MYO5B: variants seen among roughly 807,000 people sequenced by gnomAD.
The protein encoded by MYO5B is unconventional myosin-Vb.
In MYO5B, 143 loss-of-function variants were observed where a neutral mutation model predicts 229.3. The ratio of observed to expected loss-of-function variants is 0.62; its 90% CI spans 0.54 to 0.72. The LOEUF (loss-of-function observed/expected upper bound fraction) is 0.72. Ranked by LOEUF, MYO5B falls within the 30% of genes least tolerant of loss-of-function variation. The pLI is 0.00. For missense variants in MYO5B, 2,321 were observed against 2,331.0 expected (o/e 1.00, Z 0.09); for synonymous variants, 918 against 885.2 (o/e 1.04, Z -0.66).
chr18:50,102,328 T>C (rs573421447), intron 1 of MYO5B, among the ~76,000 whole-genome samples: 78 of 152,042 alleles, frequency 5.1e-4, no homozygotes, highest in African/African-American at 1.8e-3. Flanking sequence ...AACCTGTACG[T>C]TCTGCATACA....
At chr18:49,853,725 CAG>C in intron 30 of MYO5B, 78 bp from the exon 31 acceptor site, 1 of 1,361,622 alleles carries the variant, frequency 7.3e-7, no homozygotes, top group Non-Finnish European at 1.0e-6. Flanking sequence ...AGAAACATAA[CAG>C]GGGAGCAGCC....
chr18:49,875,663 G>T (rs1484150949), intron 26 of MYO5B, 24 bp downstream of exon 26: 2 of 1,613,854 alleles, frequency 1.2e-6, no homozygotes, highest in Non-Finnish European at 1.7e-6. Context: ...AGCACCATAA[G>T]AGCACTGCAG....
chr18:50,162,948 A>C (rs2032791762), intron 1 of MYO5B, among the ~76,000 whole-genome samples: 1 of 152,194 alleles, frequency 6.6e-6, no homozygotes, highest in Admixed American at 6.5e-5. Context: ...AGCTAAGCAA[A>C]GTGTCCTTGA....
At chr18:49,882,433 T>C (rs77392920) in intron 22 of MYO5B, among the ~76,000 whole-genome samples, 10,792 of 151,626 alleles carry the variant, frequency 0.071, 883 homozygotes, top group East Asian at 0.3. Context: ...ATCGAGATGA[T>C]CCTGGCCAAC....
chr18:49,912,138 A>T lies in MYO5B; in HGVS notation c.2126T>A (p.Val709Glu), dbSNP rs567098636. ...GGCGAGCTCTCTCTTCTTGACCAGC[A>T]CCCGATACCGGTTGAAAAAGTCATG... ...AYHDFFNRYR[V>E]LVKKRELANT... The change falls in exon 18 of 40, where the codon GTG (valine) becomes GAG (glutamate). Residue 709 changes from valine (V) to glutamate (E), a missense_variant. Val to Glu is a moderately radical substitution (Grantham distance 121). Around this residue, in one of 2 missense-constraint regions of MYO5B, gnomAD observed 2,113 missense variants for 2,044.7 expected, o/e 1.03. Coordinates refer to ENST00000285039, the MANE Select transcript of MYO5B (RefSeq NM_001080467.3). 5.6e-6 allele frequency: 9 copies of T among 1,613,932 alleles called. No homozygotes were observed. The South Asian group carries it at 9.9e-5, about 18-fold the overall frequency.
chr18:49,843,497 C>T, intron 33 of MYO5B, 105 bp from the exon 34 acceptor site: 1 of 1,391,414 alleles, frequency 7.2e-7, no homozygotes, highest in Non-Finnish European at 1.0e-6. Flanking sequence ...TTCCCCATAG[C>T]TCATCTAGGA....
chr18:50,058,938 G>C (rs771201468), intron 1 of MYO5B, among the ~76,000 whole-genome samples: 1 of 152,194 alleles, frequency 6.6e-6, no homozygotes, highest in African/African-American at 2.4e-5. Context: ...CATGTGGGCA[G>C]GGTCCAACTT....
chr18:50,141,457 T>C (rs187491641), intron 1 of MYO5B, among the ~76,000 whole-genome samples: 149 of 152,322 alleles, frequency 9.8e-4, no homozygotes, highest in Non-Finnish European at 1.7e-3. Context: ...GCCTGAGCTG[T>C]AACACTACCA....
At chr18:50,019,528 A>G (rs1273362579) in intron 4 of MYO5B, among the ~76,000 whole-genome samples, 1 of 152,232 alleles carries the variant, frequency 6.6e-6, no homozygotes, top group African/African-American at 2.4e-5. Flanking sequence ...TTCTTTGAAA[A>G]ACAGTCACTC....
rs17740274 is a variant in MYO5B at position 50,154,094 on chromosome 18, T to C, written c.27+40673A>G. Reference sequence around the variant, plus strand: ...AATTGACCTCCCAAAGCCTTCTCTATGTAACATACATCTTCACACTTGTGT... The same window carrying C: ...AATTGACCTCCCAAAGCCTTCTCTACGTAACATACATCTTCACACTTGTGT... On this transcript the variant is annotated intron_variant, in intron 1 of 39. Transcript: ENST00000285039. Among the ~76,000 whole-genome samples the C allele has an allele frequency of 3.3e-3, 499 of 152,290 alleles. 7 individuals carry two copies. Among genetic ancestry groups the C allele is most frequent in the Admixed American group, 0.024 (360 of 15,298 alleles).
At chr18:50,044,554 T>C (rs1054661707) in intron 2 of MYO5B, among the ~76,000 whole-genome samples, 1 of 152,084 alleles carries the variant, frequency 6.6e-6, no homozygotes, top group African/African-American at 2.4e-5. Flanking sequence ...AGGTCCCCAG[T>C]TGGTCCCTGC....
chr18:49,954,604 G>A (rs1386666601), intron 12 of MYO5B, among the ~76,000 whole-genome samples, 169 bp from the exon 13 acceptor site: 1 of 152,148 alleles, frequency 6.6e-6, no homozygotes, highest in Non-Finnish European at 1.5e-5. Flanking sequence ...ACATGTTCAG[G>A]ATCCGGCCAC....
At chr18:49,851,979 A>C (rs1173560156) in intron 31 of MYO5B, among the ~76,000 whole-genome samples, 1 of 151,254 alleles carries the variant, frequency 6.6e-6, no homozygotes, top group Non-Finnish European at 1.5e-5. Flanking sequence ...GCAGGCTGCA[A>C]ACTGGAGCCC....
At chr18:50,030,515 A>C (rs571612744) in intron 4 of MYO5B, among the ~76,000 whole-genome samples, 41 of 147,320 alleles carry the variant, frequency 2.8e-4, no homozygotes, top group Non-Finnish European at 3.7e-4. Flanking sequence ...AATTCTCTAC[A>C]TGCTCTTCAC....
chr18:49,971,899 T>A (rs2000723), intron 10 of MYO5B, among the ~76,000 whole-genome samples: 42,736 of 152,056 alleles, frequency 0.28, 6,449 homozygotes, highest in Admixed American at 0.4. Context: ...GACAACTTTA[T>A]AACAAAAAAA....
intron 1 of MYO5B, among the ~76,000 whole-genome samples, chr18:50,103,209 G>T (rs1469367769): frequency 1.3e-5 from 2 of 152,214 alleles, no homozygotes; most frequent in African/African-American, 2.4e-5. Flanking sequence ...GGACCAAAAG[G>T]TCCTAAATTT....
At chr18:49,961,342 G>A (rs1386594461) in intron 12 of MYO5B, among the ~76,000 whole-genome samples, 1 of 151,988 alleles carries the variant, frequency 6.6e-6, no homozygotes, top group Non-Finnish European at 1.5e-5. Flanking sequence ...CCTTCAGGAG[G>A]TTAAAAAAAA....
intron 7 of MYO5B, among the ~76,000 whole-genome samples, chr18:49,986,881 G>C (rs1038485912): frequency 3.3e-5 from 5 of 152,002 alleles, no homozygotes; most frequent in African/African-American, 9.7e-5. Context: ...GTCAGGCCTG[G>C]GATTCCATTA....
At chr18:49,840,577 G>A (rs1349870968) in intron 35 of MYO5B, 1 of 152,342 alleles carries the variant, frequency 6.6e-6, no homozygotes, top group Non-Finnish European at 1.5e-5. Flanking sequence ...GGTGGATGGT[G>A]AGATATGTGA....
Sources: allele counts gnomAD v4.1 joint callset (sites outside exome capture counted in the v4.1 genomes callset), GRCh38; gene constraint gnomAD v4.1.1; regional missense constraint gnomAD v4.1.1; transcripts MANE v1.5; gene names NCBI Gene and HGNC (gene_info 2026-07-23, HGNC 2026-07-21).